The following ARAP2 variants were observed in gnomAD, a reference collection of about 807,000 sequenced individuals.
The protein encoded by ARAP2 is arf-GAP with Rho-GAP domain, ANK repeat and PH domain-containing protein 2.
Under a neutral mutation model 194.5 loss-of-function variants are expected in ARAP2, and 148 were observed. The observed-to-expected ratio is 0.76, with a 90% CI of 0.67 to 0.87. The LOEUF is 0.87. Ranked by LOEUF, ARAP2 falls within the 40% of genes least tolerant of loss-of-function variation. The pLI is 0.00. For synonymous variants in ARAP2, 695 were observed against 683.5 expected (o/e 1.02, Z -0.26); for missense variants, 2,128 against 1,989.7 (o/e 1.07, Z -1.32).
intron 6 of ARAP2, among the ~76,000 whole-genome samples, chr4:36,195,685 C>T (rs1742911535): frequency 1.3e-5 from 2 of 152,136 alleles, no homozygotes; most frequent in Non-Finnish European, 2.9e-5. Context: ...TTTGCTGACT[C>T]CTTATCTTTC....
chr4:36,169,950 TGA>T (rs1736227321), intron 9 of ARAP2, among the ~76,000 whole-genome samples: 1 of 152,240 alleles, frequency 6.6e-6, no homozygotes, highest in Non-Finnish European at 1.5e-5. Context: ...TCAGTGCTCT[TGA>T]GAGCTATCAT....
chr4:36,221,378 A>G (rs1749135156), intron 2 of ARAP2, among the ~76,000 whole-genome samples: 1 of 152,134 alleles, frequency 6.6e-6, no homozygotes, highest in Non-Finnish European at 1.5e-5. Flanking sequence ...TATTATCCGC[A>G]TTTTTAAAAG....
intron 7 of ARAP2, among the ~76,000 whole-genome samples, chr4:36,187,819 A>G (rs1740912717): frequency 6.6e-6 from 1 of 152,338 alleles, no homozygotes; most frequent in East Asian, 1.9e-4. Context: ...AAGGGAAAGA[A>G]TCAAATACAA....
chr4:36,055,889 T>C (rs1443295922), intron 2 of ARAP2, among the ~76,000 whole-genome samples: 1 of 152,174 alleles, frequency 6.6e-6, no homozygotes, highest in East Asian at 1.9e-4. Flanking sequence ...TATAAGGTAA[T>C]TTCACACTTT....
At chr4:36,082,645 G>GTATA (rs1480629054) in intron 29 of ARAP2, among the ~76,000 whole-genome samples, 1 of 152,146 alleles carries the variant, frequency 6.6e-6, no homozygotes, top group African/African-American at 2.4e-5. Context: ...TAAAACACAG[G>GTATA]TATATGCTCT....
chr4:36,078,990 A>T (rs561920635), intron 31 of ARAP2, among the ~76,000 whole-genome samples: 9 of 151,994 alleles, frequency 5.9e-5, no homozygotes, highest in Non-Finnish European at 1.3e-4. Flanking sequence ...CCTGCCCAAC[A>T]TGGTGAAACT....
chr4:36,065,069 C>G (rs1267694921), downstream of ARAP2: 2 of 192,442 alleles, frequency 1.0e-5, no homozygotes, highest in African/African-American at 2.4e-5. Flanking sequence ...GGCAAGAGAG[C>G]CTTCAGAGTT....
At chr4:36,172,804 T>C (rs1736945210) in intron 9 of ARAP2, among the ~76,000 whole-genome samples, 1 of 152,188 alleles carries the variant, frequency 6.6e-6, no homozygotes. Context: ...GATGTGGCAT[T>C]GTATGACATT....
intron 5 of ARAP2, among the ~76,000 whole-genome samples, chr4:36,035,872 T>G (rs1560298684): frequency 6.6e-6 from 1 of 152,192 alleles, no homozygotes; most frequent in Non-Finnish European, 1.5e-5. Context: ...CCATCTAAAA[T>G]ATGAACAATT....
chr4:36,230,726 G>T (rs191856754), intron 1 of ARAP2, among the ~76,000 whole-genome samples: 1 of 152,228 alleles, frequency 6.6e-6, no homozygotes, highest in African/African-American at 2.4e-5. Flanking sequence ...GTAATAAAAT[G>T]AGACACACCC....
chr4:36,122,921 T>A lies in ARAP2; in HGVS notation c.3747-1595A>T, dbSNP rs575133183. Among the ~76,000 whole-genome samples, 9 of 151,844 alleles carry A rather than the reference T, an allele frequency of 5.9e-5. No individual in the cohort carries two copies. The East Asian group carries it at 1.6e-3, about 26-fold the overall frequency. ...AGTAAGACTAAGCTAGACATTCCCATCTATGAAGAACACAGATTCAGGTAG... is the reference window on the plus strand; with the variant it reads ...AGTAAGACTAAGCTAGACATTCCCAACTATGAAGAACACAGATTCAGGTAG... On this transcript the variant is annotated intron_variant, in intron 22 of 32. Transcript: ENST00000303965.
At chr4:36,209,157 C>T (rs938222734) in intron 6 of ARAP2, among the ~76,000 whole-genome samples, 7 of 152,118 alleles carry the variant, frequency 4.6e-5, no homozygotes, top group Non-Finnish European at 1.0e-4. Context: ...TTTAAGAGAG[C>T]ACTTGGACCT....
At chr4:36,037,886 A>T (rs975428568) in intron 5 of ARAP2, among the ~76,000 whole-genome samples, 3 of 152,164 alleles carry the variant, frequency 2.0e-5, no homozygotes, top group Non-Finnish European at 4.4e-5. Flanking sequence ...GCATAATCTT[A>T]TTTCTCTGGT....
chr4:36,228,106 G>A (rs1750717363), intron 2 of ARAP2, among the ~76,000 whole-genome samples: 1 of 152,068 alleles, frequency 6.6e-6, no homozygotes, highest in East Asian at 1.9e-4. Flanking sequence ...CCTTCCCACC[G>A]AGCACAGTGA....
chr4:36,136,783 ATGTGTGTGTG>A (rs772565955), intron 19 of ARAP2, among the ~76,000 whole-genome samples: 6 of 143,906 alleles, frequency 4.2e-5, no homozygotes, highest in Non-Finnish European at 7.6e-5. Context: ...AATCAAATAT[ATGTGTGTGTG>A]TGTGTGTGTG....
chr4:36,068,823 T>C (rs890902743), intron 32 of ARAP2, among the ~76,000 whole-genome samples: 1 of 152,254 alleles, frequency 6.6e-6, no homozygotes. Context: ...TTTATGTATG[T>C]TCACCTTATG....
intron 25 of ARAP2, among the ~76,000 whole-genome samples, chr4:36,116,835 C>T (rs1349537472): frequency 1.3e-5 from 2 of 151,644 alleles, no homozygotes; most frequent in South Asian, 2.1e-4. Context: ...TTTTCCAGAA[C>T]TTGAAGAAAA....
intron 20 of ARAP2, among the ~76,000 whole-genome samples, chr4:36,131,286 T>A (rs1482772054): frequency 6.6e-6 from 1 of 151,180 alleles, no homozygotes; most frequent in Admixed American, 6.6e-5. Flanking sequence ...GTGCCCAATA[T>A]GTGATTATGT....
chr4:36,165,942 G>A (rs1735190467), intron 10 of ARAP2, among the ~76,000 whole-genome samples: 1 of 151,854 alleles, frequency 6.6e-6, no homozygotes, highest in Admixed American at 6.6e-5. Flanking sequence ...AAAATAAATG[G>A]CCTACATGAA....
Sources: allele counts gnomAD v4.1 joint callset (sites outside exome capture counted in the v4.1 genomes callset), GRCh38; gene constraint gnomAD v4.1.1; transcripts MANE v1.5; gene names NCBI Gene and HGNC (gene_info 2026-07-23, HGNC 2026-07-21).